The following ANAPC7 variants were observed in gnomAD, a reference collection of about 807,000 sequenced individuals.
ANAPC7 encodes the protein anaphase promoting complex subunit 7, also known as anaphase-promoting complex subunit 7.
Under a neutral mutation model 63.3 loss-of-function variants are expected in ANAPC7, and 25 were observed. The ratio of observed to expected loss-of-function variants is 0.39; its 90% confidence interval spans 0.29 to 0.55. The LOEUF is 0.55. Among genes scored for constraint, ANAPC7 ranks in the 20% least tolerant of loss-of-function variants. The probability of loss-of-function intolerance (pLI) is 0.57; values close to 1 mark genes in which losing one functional copy is unlikely to be tolerated. For missense variants in ANAPC7, 516 were observed against 691.7 expected, an observed-to-expected ratio of 0.75 and a Z score of 2.85; for synonymous variants, 241 against 251.7, an observed-to-expected ratio of 0.96 and a Z score of 0.40.
At chr12:110,395,904 C>T (rs967705663) in intron 2 of ANAPC7, among the ~76,000 whole-genome samples, 12 of 152,268 alleles carry the variant, frequency 7.9e-5, no homozygotes, top group East Asian at 3.9e-4. Flanking sequence ...TTTTTGGCAC[C>T]AGGGGACCAG....
chr12:110,383,513 A>T (rs1414652166), intron 6 of ANAPC7, among the ~76,000 whole-genome samples: 1 of 152,106 alleles, frequency 6.6e-6, no homozygotes, highest in African/African-American at 2.4e-5. Flanking sequence ...CAGAGGCAGG[A>T]GGATCACCTG....
intron 1 of ANAPC7, among the ~76,000 whole-genome samples, chr12:110,400,359 TAA>T (rs2062211543): frequency 6.6e-6 from 1 of 152,190 alleles, no homozygotes. Context: ...AAGACTCAGG[TAA>T]AGATACTGAT....
At chr12:110,392,050 C>A (rs1378815553) in intron 3 of ANAPC7, among the ~76,000 whole-genome samples, 1 of 136,376 alleles carries the variant, frequency 7.3e-6, no homozygotes, top group Non-Finnish European at 1.5e-5. Flanking sequence ...CAAGATTGTG[C>A]CACTGCACTC....
Position 110,396,449 on chromosome 12 carries a change from C to A in ANAPC7, c.105G>T (p.Glu35Asp). 1 of 1,597,732 alleles carries A rather than the reference C, an allele frequency of 6.3e-7. No individual in the cohort carries two copies. Among genetic ancestry groups the A allele is most frequent in the Non-Finnish European group, 8.5e-7 (1 of 1,174,752 alleles). Reference sequence around the variant, plus strand: ...GGTACTTCTGAGGTGGGGAGAATAACTCACTAGAAAACAAGAGAAAATGTA... The same window carrying A: ...GGTACTTCTGAGGTGGGGAGAATAAATCACTAGAAAACAAGAGAAAATGTA... ...LLLTMSNNNP[E>D]LFSPPQKYQL... is the part of the protein sequence containing the mutation. The change falls in exon 2 of 11, where the codon GAG becomes GAT. Residue 35 changes from glutamate (E) to aspartate (D), a missense_variant. Glu to Asp is a conservative substitution (Grantham distance 45). Around this residue, in one of 4 missense-constraint regions of ANAPC7, gnomAD observed 185 missense variants for 200.3 expected, o/e 0.92. Transcript: ENST00000455511.
chr12:110,403,670 G>C lies in ANAPC7; in HGVS notation c.-43C>G, dbSNP rs750459818. On this transcript the variant is annotated 5_prime_UTR_variant, in exon 1 of 11. Coordinates refer to ENST00000455511, the MANE Select transcript of ANAPC7 (RefSeq NM_016238.3). ...CGGGCAGCGGCGGCAGCACTGACTC[G>C]AAAAGCCGGTAGAGGATCCTTAGGG... 1.0e-5 allele frequency: 16 copies of C among 1,560,896 alleles called. No homozygotes were observed. The highest frequency in any genetic ancestry group is 1.7e-4 in the Middle Eastern group (1 of 5,990).
intron 8 of ANAPC7, among the ~76,000 whole-genome samples, chr12:110,379,773 C>T (rs1881643434): frequency 6.6e-6 from 1 of 152,148 alleles, no homozygotes; most frequent in South Asian, 2.1e-4. Flanking sequence ...TTTTTAAATG[C>T]TTATAAAAAT....
chr12:110,375,697 T>C lies in ANAPC7; in HGVS notation c.1508+369A>G, dbSNP rs1372823558. On this transcript the variant is annotated intron_variant, in intron 10 of 10. Transcript: ENST00000455511. ...TCAAGTTCTTAATGACTACAGTAGA[T>C]AGAAACATGGGAAAGTACTTACAAT... is the stretch of plus-strand genomic sequence containing the variant. The C allele has an allele frequency of 1.8e-5, 17 of 954,398 alleles. No individual in the cohort carries two copies. In the South Asian group the frequency reaches 6.8e-4, roughly 38 times the overall value. The allele number at this position is 954,398 out of a possible 1,614,324, so 59.1% of individuals were successfully genotyped here.
intron 1 of ANAPC7, among the ~76,000 whole-genome samples, chr12:110,401,867 G>C (rs535495722): frequency 9.0e-4 from 136 of 151,382 alleles, no homozygotes; most frequent in Non-Finnish European, 1.5e-3. Context: ...CCAGCTACTC[G>C]GGAGGCTGAG....
chr12:110,388,039 ATTTCT>A lies in ANAPC7; in HGVS notation c.521-152_521-148del, dbSNP rs1211222507. On this transcript the variant is annotated intron_variant, in intron 4 of 10. Transcript: ENST00000455511. ...CATGAGAGAAAAACCATAATTTAGT[ATTTCT>A]TTTCTTTTTGAGACAGTGTCTTGTT... The A allele has an allele frequency of 5.7e-6, 5 of 875,270 alleles. No individual in the cohort carries two copies. The African/African-American group carries it at 8.5e-5, about 15-fold the overall frequency. The allele number at this position is 875,270 out of a possible 1,614,324, so 54.2% of individuals were successfully genotyped here.
chr12:110,394,037 G>T (rs570043139), intron 3 of ANAPC7, among the ~76,000 whole-genome samples: 1 of 148,524 alleles, frequency 6.7e-6, no homozygotes, highest in African/African-American at 2.5e-5. Flanking sequence ...TTAGCTGGGC[G>T]TGGTGGCGGG....
At chr12:110,377,258 C>T in intron 9 of ANAPC7, 135 bp downstream of exon 9, 1 of 738,600 alleles carries the variant, frequency 1.4e-6, no homozygotes, top group Non-Finnish European at 2.2e-6. Context: ...TAAACCAATC[C>T]AAGCAGGCTC....
chr12:110,375,382 G>T, intron 10 of ANAPC7: 2 of 975,218 alleles, frequency 2.1e-6, no homozygotes, highest in Non-Finnish European at 2.4e-6. Context: ...ACTGTGTGCT[G>T]AACAATTGAA....
rs1385028021 is a variant in ANAPC7 at position 110,377,368 on chromosome 12, A to G, written c.1357+25T>C. 5 of 1,594,550 alleles carry G rather than the reference A, an allele frequency of 3.1e-6. No homozygotes were observed. In the African/African-American group the frequency reaches 6.7e-5, roughly 21 times the overall value. ...GGTTTTATAAAAATTAATGATGAAC[A>G]GGACAGAAAATAAGACACACTTACT... On this transcript the variant is annotated intron_variant, in intron 9 of 10. Transcript: ENST00000455511.
At chr12:110,382,461 A>AATATATATATATATATATATATATATAT (rs66967302) in intron 7 of ANAPC7, among the ~76,000 whole-genome samples, 2 of 30,858 alleles carry the variant, frequency 6.5e-5, no homozygotes, top group Non-Finnish European at 1.2e-4. Context: ...AAAAAAAAAA[A>AATATATATATATATATATATATATATAT]ATATATATAT....
intron 1 of ANAPC7, among the ~76,000 whole-genome samples, chr12:110,398,868 C>T (rs1285581995): frequency 2.6e-5 from 4 of 151,892 alleles, no homozygotes; most frequent in Admixed American, 1.3e-4. Flanking sequence ...TCACTTGAAT[C>T]TGGGAGGCAG....
chr12:110,385,612 A>G (rs181368825), intron 6 of ANAPC7, among the ~76,000 whole-genome samples: 11 of 152,318 alleles, frequency 7.2e-5, no homozygotes, highest in Admixed American at 7.2e-4. Context: ...GTGCAAACAA[A>G]TCCATCCTTC....
intron 7 of ANAPC7, among the ~76,000 whole-genome samples, chr12:110,382,459 A>ATATAT (rs1229764014): frequency 3.2e-3 from 166 of 51,810 alleles, no homozygotes; most frequent in African/African-American, 3.8e-3. Flanking sequence ...AAAAAAAAAA[A>ATATAT]AAATATATAT....
intron 7 of ANAPC7, 77 bp downstream of exon 7, chr12:110,382,766 T>G: frequency 7.9e-7 from 1 of 1,264,176 alleles, no homozygotes; most frequent in South Asian, 1.3e-5. Flanking sequence ...GTGCTTTCAA[T>G]TTATATTCTC....
At chr12:110,403,416 G>T in intron 1 of ANAPC7, 111 bp downstream of exon 1, 1 of 1,253,526 alleles carries the variant, frequency 8.0e-7, no homozygotes. Context: ...CGGAGCCTCC[G>T]CTGGCGCCGG....
Sources: gnomAD v4.1 joint callset for allele counts (sites outside exome capture counted in the v4.1 genomes callset) on GRCh38, gnomAD v4.1.1 for gene constraint, gnomAD v4.1.1 regional missense constraint, MANE v1.5 for transcripts, NCBI Gene and HGNC (gene_info 2026-07-23, HGNC 2026-07-21) for gene names.